Variants in KLHL29 observed in about 807,000 individuals in gnomAD.
KLHL29 encodes the protein kelch like family member 29, also known as kelch-like protein 29.
Under a neutral mutation model 80.4 loss-of-function variants are expected in KLHL29, and 21 were observed. The observed-to-expected ratio is 0.26, with a 90% confidence interval of 0.19 to 0.38. The LOEUF is 0.38. Among genes scored for constraint, KLHL29 ranks in the 10% least tolerant of loss-of-function variants. KLHL29 has a pLI of 1.00. For missense variants in KLHL29, 867 were observed against 1,223.9 expected (o/e 0.71, Z 4.35); for synonymous variants, 511 against 526.8 (o/e 0.97, Z 0.41).
Position 23,392,214 on chromosome 2 carries a change from G to A in KLHL29, c.-154+6434G>A, listed in dbSNP as rs1666337572. Among the ~76,000 whole-genome samples, 5 of 152,298 alleles carry A rather than the reference G, an allele frequency of 3.3e-5. No individual in the cohort carries two copies. In the South Asian group the frequency reaches 1.0e-3, roughly 32 times the overall value. ...AGAAGAGACAGCAGCAACCCCTAGA[G>A]ATCTCAGAAACTGTAGATGCCAATC... On this transcript the variant is annotated intron_variant, in intron 1 of 13. Coordinates refer to ENST00000486442, the MANE Select transcript of KLHL29 (RefSeq NM_052920.2).
At position 23,613,304 on chromosome 2, in the gene KLHL29, T is replaced by C. The variant is rs537823417; in HGVS notation, c.286-25835T>C. On this transcript the variant is annotated intron_variant, in intron 3 of 13. Transcript: ENST00000486442. ...GAAATTTTAAATTCTCACTCTATGC[T>C]ATTTATAAAAAACACATTAAAAGAG... 1.1e-4 allele frequency among the ~76,000 whole-genome samples: 16 copies of C among 152,274 alleles called. 1 individual carries two copies. The South Asian group carries it at 3.3e-3, about 32-fold the overall frequency.
chr2:23,512,445 C>CAAA, intron 2 of KLHL29, among the ~76,000 whole-genome samples: 1 of 144,944 alleles, frequency 6.9e-6, no homozygotes, highest in Non-Finnish European at 1.5e-5. Flanking sequence ...AATTCTGTCT[C>CAAA]AAAAAAAAAA....
chr2:23,497,020 T>C (rs1665285240), intron 2 of KLHL29, among the ~76,000 whole-genome samples: 1 of 151,936 alleles, frequency 6.6e-6, no homozygotes. Flanking sequence ...TTATATTTGT[T>C]CTGCAACCAT....
At chr2:23,523,015 C>T (rs886754004) in intron 2 of KLHL29, among the ~76,000 whole-genome samples, 10 of 150,050 alleles carry the variant, frequency 6.7e-5, no homozygotes, top group South Asian at 4.2e-4. Context: ...AGAATCTATG[C>T]GCCTGCCTGT....
At chr2:23,667,975 A>C (rs1670600407) in intron 5 of KLHL29, 1 of 152,222 alleles carries the variant, frequency 6.6e-6, no homozygotes, top group Non-Finnish European at 1.5e-5. Flanking sequence ...GGGAAGAAGA[A>C]CACTGGATTT....
intron 1 of KLHL29, among the ~76,000 whole-genome samples, chr2:23,402,206 G>C (rs1666613272): frequency 6.6e-6 from 1 of 152,166 alleles, no homozygotes; most frequent in Non-Finnish European, 1.5e-5. Flanking sequence ...AGAGCCCAGT[G>C]CTGTTTCACA....
chr2:23,410,583 G>A (rs569765034), intron 1 of KLHL29, among the ~76,000 whole-genome samples: 5 of 152,208 alleles, frequency 3.3e-5, no homozygotes, highest in South Asian at 2.1e-4. Flanking sequence ...CAGAAATTTC[G>A]AGGAATCATC....
At chr2:23,574,323 G>A (rs1667790228) in intron 3 of KLHL29, among the ~76,000 whole-genome samples, 1 of 152,160 alleles carries the variant, frequency 6.6e-6, no homozygotes, top group African/African-American at 2.4e-5. Flanking sequence ...GGAGGTGGCG[G>A]TCAGGACCCA....
chr2:23,557,075 AG>A (rs1667316696), intron 2 of KLHL29, among the ~76,000 whole-genome samples: 1 of 152,294 alleles, frequency 6.6e-6, no homozygotes, highest in South Asian at 2.1e-4. Flanking sequence ...CTGCCAGGAA[AG>A]GGGGCTCACC....
chr2:23,481,272 G>C (rs1352571765), intron 2 of KLHL29, among the ~76,000 whole-genome samples: 1 of 152,184 alleles, frequency 6.6e-6, no homozygotes, highest in East Asian at 1.9e-4. Flanking sequence ...CCTGTGTATG[G>C]CATTTTCTAA....
intron 1 of KLHL29, among the ~76,000 whole-genome samples, chr2:23,427,224 A>G (rs1663028474): frequency 6.6e-6 from 1 of 152,210 alleles, no homozygotes; most frequent in African/African-American, 2.4e-5. Context: ...CACGTTGATC[A>G]TTCTGGGCTG....
chr2:23,462,414 TGATC>T (rs1275902753), intron 1 of KLHL29, among the ~76,000 whole-genome samples: 6 of 152,180 alleles, frequency 3.9e-5, no homozygotes, highest in African/African-American at 1.4e-4. Context: ...CAGCCCCAAA[TGATC>T]CCCAACTGAC....
intron 1 of KLHL29, among the ~76,000 whole-genome samples, chr2:23,405,506 C>G (rs1178745912): frequency 6.6e-6 from 1 of 152,164 alleles, no homozygotes; most frequent in Non-Finnish European, 1.5e-5. Flanking sequence ...AGGTTTTCTC[C>G]TTTTCCATGG....
chr2:23,677,888 C>T (rs6760277), intron 5 of KLHL29, among the ~76,000 whole-genome samples: 15,531 of 152,202 alleles, frequency 0.1, 2,565 homozygotes, highest in African/African-American at 0.35. Flanking sequence ...ATGTGTCATA[C>T]ATACCAATGG....
intron 3 of KLHL29, among the ~76,000 whole-genome samples, chr2:23,632,439 T>C (rs866892239): frequency 6.6e-6 from 1 of 152,266 alleles, no homozygotes; most frequent in South Asian, 2.1e-4. Flanking sequence ...GATGCCATCA[T>C]TCCCCACAGG....
chr2:23,692,045 A>G (rs992303766), intron 7 of KLHL29, among the ~76,000 whole-genome samples, 169 bp downstream of exon 7: 4 of 152,044 alleles, frequency 2.6e-5, no homozygotes, highest in African/African-American at 4.8e-5. Flanking sequence ...AGATAACTAC[A>G]TGCAAAGGCT....
chr2:23,427,847 T>C (rs1663047763), intron 1 of KLHL29, among the ~76,000 whole-genome samples: 1 of 152,222 alleles, frequency 6.6e-6, no homozygotes. Flanking sequence ...TTCTGGCATG[T>C]TGTAGTTAAG....
intron 1 of KLHL29, among the ~76,000 whole-genome samples, chr2:23,403,029 TATA>T (rs72293707): frequency 0.066 from 10,026 of 151,576 alleles, 607 homozygotes; most frequent in African/African-American, 0.16. Context: ...TAGTGTACAC[TATA>T]ATGTCAAGTA....
At chr2:23,611,939 TAAGTA>T (rs1418340007) in intron 3 of KLHL29, among the ~76,000 whole-genome samples, 1 of 149,360 alleles carries the variant, frequency 6.7e-6, no homozygotes, top group Non-Finnish European at 1.5e-5. Context: ...AAATCCACCT[TAAGTA>T]AAGAGAGACC....
Sources: allele counts gnomAD v4.1 joint callset (sites outside exome capture counted in the v4.1 genomes callset), GRCh38; gene constraint gnomAD v4.1.1; transcripts MANE v1.5; gene names NCBI Gene and HGNC (gene_info 2026-07-23, HGNC 2026-07-21).